The following PPP6R3 variants were observed in gnomAD, a reference collection of about 807,000 sequenced individuals.
PPP6R3 encodes the protein serine/threonine-protein phosphatase 6 regulatory subunit 3.
A neutral mutation model predicts 110.7 loss-of-function variants in PPP6R3; 38 were observed. That is an observed-to-expected ratio of 0.34 (90% CI 0.26 to 0.45). The LOEUF is 0.45. Among genes scored for constraint, PPP6R3 ranks in the 20% least tolerant of loss-of-function variants. The pLI is 1.00. For missense variants in PPP6R3, 870 were observed against 1,062.4 expected, an observed-to-expected ratio of 0.82 and a Z score of 2.52; for synonymous variants, 369 against 373.5, an observed-to-expected ratio of 0.99 and a Z score of 0.14.
At chr11:68,464,154 G>A (rs1436745906) in intron 1 of PPP6R3, among the ~76,000 whole-genome samples, 1 of 152,118 alleles carries the variant, frequency 6.6e-6, no homozygotes, top group Non-Finnish European at 1.5e-5. Flanking sequence ...TTTTTTTTGA[G>A]ATGAGTCTAG....
At chr11:68,475,099 T>G (rs2098818957) in intron 1 of PPP6R3, among the ~76,000 whole-genome samples, 1 of 152,064 alleles carries the variant, frequency 6.6e-6, no homozygotes, top group African/African-American at 2.4e-5. Context: ...TACTTGAGAT[T>G]AGGGAGTGGT....
chr11:68,574,374 A>G, intron 13 of PPP6R3, 150 bp downstream of exon 13: 1 of 620,510 alleles, frequency 1.6e-6, no homozygotes, highest in Middle Eastern at 4.0e-4. Context: ...GTTCTTGAGA[A>G]TGTGTTTGAA....
chr11:68,508,229 A>C (rs1356552640), intron 1 of PPP6R3, among the ~76,000 whole-genome samples: 1 of 147,296 alleles, frequency 6.8e-6, no homozygotes, highest in East Asian at 2.0e-4. Flanking sequence ...CCTGTGTTCA[A>C]GCAATTCTCC....
chr11:68,529,072 T>G (rs2099219926), intron 2 of PPP6R3, among the ~76,000 whole-genome samples: 1 of 152,216 alleles, frequency 6.6e-6, no homozygotes, highest in Non-Finnish European at 1.5e-5. Flanking sequence ...TGAGTGAGAA[T>G]TCTAGTTTTT....
chr11:68,461,599 G>A (rs780368092), intron 1 of PPP6R3, among the ~76,000 whole-genome samples: 1 of 152,082 alleles, frequency 6.6e-6, no homozygotes, highest in Non-Finnish European at 1.5e-5. Context: ...TGCTGGCTGT[G>A]ATCACAATTT....
intron 1 of PPP6R3, among the ~76,000 whole-genome samples, chr11:68,474,024 C>T (rs2098810593): frequency 6.7e-6 from 1 of 149,350 alleles, no homozygotes; most frequent in African/African-American, 2.5e-5. Context: ...TGGCTATTTG[C>T]ATGTTAAAAA....
chr11:68,557,185 A>G (rs558913572), intron 7 of PPP6R3, among the ~76,000 whole-genome samples: 7 of 152,354 alleles, frequency 4.6e-5, no homozygotes, highest in Middle Eastern at 3.4e-3. Context: ...TAGTTAGTGT[A>G]TAGACTGCTG....
chr11:68,600,602 A>G (rs978018543), intron 20 of PPP6R3, 108 bp downstream of exon 20: 17 of 1,272,614 alleles, frequency 1.3e-5, no homozygotes, highest in Admixed American at 2.7e-5. Context: ...CAAGTTGAAT[A>G]TACTGCCCTG....
rs545131080 is a variant in PPP6R3 at position 68,534,936 on chromosome 11, T to G, written c.-6-2723T>G. On this transcript the variant is annotated intron_variant, in intron 2 of 23. Transcript: ENST00000393800. The stretch of plus-strand genomic sequence containing the variant: ...CAACTTTTTCCCTCTTCCATTGAAG[T>G]TATCTTTTGGTATACTTTTGTCTTT... Among the ~76,000 whole-genome samples, 18 of 152,342 alleles carry G rather than the reference T, an allele frequency of 1.2e-4. 1 individual carries two copies. Among genetic ancestry groups the G allele is most frequent in the South Asian group, 6.2e-4 (3 of 4,826 alleles).
In PPP6R3 at chr11:68,603,379, A is replaced by G. The variant is rs771115360; in HGVS notation, c.2337A>G (p.Gly779=). 29 of 1,613,822 alleles carry G rather than the reference A, an allele frequency of 1.8e-5. No individual in the cohort carries two copies. The highest frequency in any genetic ancestry group is 2.5e-5 in the Non-Finnish European group (29 of 1,180,022). Reference sequence around the variant, plus strand: ...TGGCCATGGAAGCCAGCTCTGACGGAGAGGAGGATGCAGAAAGTACAGACA... The same window carrying G: ...TGGCCATGGAAGCCAGCTCTGACGGGGAGGAGGATGCAGAAAGTACAGACA... ...GSVAMEASSD[G]EEDAESTDKV... Residue 779 remains glycine (G), a synonymous_variant, in exon 22 of 24, where the codon GGA becomes GGG. Coordinates refer to ENST00000393800, the MANE Select transcript of PPP6R3 (RefSeq NM_001164161.2).
At chr11:68,540,194 G>A (rs564821541) in intron 3 of PPP6R3, among the ~76,000 whole-genome samples, 262 of 152,304 alleles carry the variant, frequency 1.7e-3, no homozygotes, top group Non-Finnish European at 2.6e-3. Context: ...TGCATGTTGG[G>A]GAATCTGCCC....
intron 2 of PPP6R3, 145 bp downstream of exon 2, chr11:68,519,796 T>C (rs540818140): frequency 1.7e-4 from 65 of 391,140 alleles, no homozygotes; most frequent in Non-Finnish European, 2.8e-4. Context: ...TGTGGTACTG[T>C]GGTATTTTTA....
intron 7 of PPP6R3, among the ~76,000 whole-genome samples, chr11:68,557,740 G>A (rs942972404): frequency 2.0e-5 from 3 of 152,102 alleles, no homozygotes; most frequent in Non-Finnish European, 4.4e-5. Flanking sequence ...GGCTGGTCTC[G>A]AACTCCTGAC....
intron 13 of PPP6R3, among the ~76,000 whole-genome samples, chr11:68,575,221 G>A (rs946069645): frequency 1.3e-5 from 2 of 152,210 alleles, no homozygotes; most frequent in African/African-American, 4.8e-5. Context: ...TGGTACATGT[G>A]TACACTTCTG....
At position 68,591,691 on chromosome 11, in the gene PPP6R3, C is replaced by G; in HGVS notation, c.1901C>G (p.Ser634Cys). The G allele has an allele frequency of 6.2e-7, 1 of 1,610,698 alleles. No individual in the cohort carries two copies. Among genetic ancestry groups the G allele is most frequent in the Non-Finnish European group, 8.5e-7 (1 of 1,178,982 alleles). ...AAGCACATCGCATTCACACCAGAAT[C>G]CCAAAGACGATCCAGGTGAAAGATA... is the stretch of plus-strand genomic sequence containing the variant. ...EEKHIAFTPE[S>C]QRRSSSGSTD... The change falls in exon 18 of 24, where the codon TCC becomes TGC. Residue 634 changes from serine (S) to cysteine (C), a missense_variant. Physicochemically the swap from Ser to Cys is moderately radical, Grantham distance 112. Transcript: ENST00000393800.
chr11:68,583,843 G>A (rs1335553733), intron 15 of PPP6R3, among the ~76,000 whole-genome samples: 2 of 152,180 alleles, frequency 1.3e-5, no homozygotes, highest in South Asian at 2.1e-4. Flanking sequence ...GAATGCCTTG[G>A]CTTACATGTT....
rs575733621 is a variant in PPP6R3, at chr11:68,496,543, G to A, written c.-157-22958G>A. Among the ~76,000 whole-genome samples, 17 of 152,192 alleles carry A rather than the reference G, an allele frequency of 1.1e-4. 1 individual carries two copies. In the South Asian group the frequency reaches 3.1e-3, roughly 28 times the overall value. On this transcript the variant is annotated intron_variant, in intron 1 of 23. Coordinates refer to ENST00000393800, the MANE Select transcript of PPP6R3 (RefSeq NM_001164161.2). ...GCTGGAGTGCAGTAGTGCAATCTCA[G>A]CTCGCTGCAACCTCTGCCACCTGGG...
At position 68,505,225 on chromosome 11, in the gene PPP6R3, A is replaced by G. The variant is rs190125634; in HGVS notation, c.-157-14276A>G. ...CCTCGGCCATATGGAGGGGTCATAT[A>G]ATACCCTTGTGTCTTCAGTTTGAGG... On this transcript the variant is annotated intron_variant, in intron 1 of 23. Coordinates refer to ENST00000393800, the MANE Select transcript of PPP6R3 (RefSeq NM_001164161.2). 2.0e-5 allele frequency: 3 copies of G among 152,338 alleles called. No individual in the cohort carries two copies. The East Asian group carries it at 5.8e-4, about 29-fold the overall frequency. The allele number at this position is 152,338 out of a possible 1,614,324, so 9.4% of individuals were successfully genotyped here.
chr11:68,467,394 A>T (rs2098756026), intron 1 of PPP6R3, among the ~76,000 whole-genome samples: 1 of 152,164 alleles, frequency 6.6e-6, no homozygotes, highest in Admixed American at 6.5e-5. Flanking sequence ...TGAATGAAAG[A>T]TTGTTTTTAG....
Sources: allele counts gnomAD v4.1 joint callset (sites outside exome capture counted in the v4.1 genomes callset), GRCh38; gene constraint gnomAD v4.1.1; transcripts MANE v1.5; gene names NCBI Gene and HGNC (gene_info 2026-07-23, HGNC 2026-07-21).